Variants in HYDIN observed in about 807,000 individuals in gnomAD.
HYDIN encodes the protein axonemal central pair apparatus protein HYDIN.
HYDIN carries 132 observed loss-of-function variants against 403.9 expected under a neutral mutation model. That is an observed-to-expected ratio of 0.33 (90% CI 0.28 to 0.38). The LOEUF (loss-of-function observed/expected upper bound fraction) is 0.38, where lower values mean the gene tolerates loss of function less well. Among genes scored for constraint, HYDIN ranks in the 10% least tolerant of loss-of-function variants. The pLI is 1.00. For synonymous variants in HYDIN, 1,202 were observed against 1,891.7 expected (o/e 0.64, Z 9.46); for missense variants, 2,827 against 5,009.5 (o/e 0.56, Z 13.15).
At chr16:70,847,505 T>C (rs2143568311) in intron 75 of HYDIN, among the ~76,000 whole-genome samples, 1 of 152,320 alleles carries the variant, frequency 6.6e-6, no homozygotes, top group Admixed American at 6.5e-5. Flanking sequence ...TCAGGTTTTA[T>C]TTATCTGAGA....
At position 70,804,425 on chromosome 16, in the gene HYDIN, T is replaced by C. The variant is rs886393371; in HGVS notation, c.*3155A>G. 1.3e-5 allele frequency among the ~76,000 whole-genome samples: 2 copies of C among 152,182 alleles called. No individual in the cohort carries two copies. Among genetic ancestry groups the C allele is most frequent in the East Asian group, 3.9e-4 (2 of 5,182 alleles). On this transcript the variant is annotated 3_prime_UTR_variant, in exon 86 of 86. Transcript: ENST00000393567. ...TCAAATCCATCTCCCGGAAGAGTTC[T>C]GGACTGGGGTTTTTAAGGGGATCCT...
chr16:70,811,655 T>C (rs1597013002), intron 84 of HYDIN, among the ~76,000 whole-genome samples: 1 of 150,720 alleles, frequency 6.6e-6, no homozygotes, highest in East Asian at 2.0e-4. Context: ...ATTGGGAGTT[T>C]GAGACCAGCC....
chr16:71,083,622 T>C (rs1468301887), intron 12 of HYDIN, among the ~76,000 whole-genome samples: 2 of 149,268 alleles, frequency 1.3e-5, no homozygotes, highest in Admixed American at 6.7e-5. Context: ...ATCTGTAGTT[T>C]TGATTTTCTG....
At position 70,834,116 on chromosome 16, in the gene HYDIN, C is replaced by A; in HGVS notation, c.13450G>T (p.Val4484Phe). The change falls in exon 79 of 86, where the codon GTC becomes TTC. Residue 4484 changes from valine (V) to phenylalanine (F), a missense_variant. Transcript: ENST00000393567. Reference sequence around the variant, plus strand: ...GCAAAGATGACTTCCAGTTTACAGACTTCTTTGGGCTTCAGTGTGATGTTG... The same window carrying A: ...GCAAAGATGACTTCCAGTTTACAGAATTCTTTGGGCTTCAGTGTGATGTTG... ...FHNITLKPKE[V>F]CKLEVIFAPK... The A allele has an allele frequency of 1.2e-6, 2 of 1,613,582 alleles. No individual in the cohort carries two copies. The highest frequency in any genetic ancestry group is 8.5e-7 in the Non-Finnish European group (1 of 1,179,772).
intron 53 of HYDIN, among the ~76,000 whole-genome samples, chr16:70,899,853 T>C (rs2076313128): frequency 6.6e-6 from 1 of 151,906 alleles, no homozygotes; most frequent in Non-Finnish European, 1.5e-5. Flanking sequence ...CCCAGCAGGG[T>C]TGCAACAAGG....
At chr16:71,178,431 A>AT (rs1567414073) in intron 4 of HYDIN, among the ~76,000 whole-genome samples, 261 of 127,794 alleles carry the variant, frequency 2.0e-3, no homozygotes, top group African/African-American at 4.1e-3. Flanking sequence ...AAAAAAAAAA[A>AT]AAAATATATA....
intron 1 of HYDIN, among the ~76,000 whole-genome samples, chr16:71,209,226 A>C (rs1043313652): frequency 4.0e-5 from 6 of 150,728 alleles, no homozygotes; most frequent in African/African-American, 1.5e-4. Flanking sequence ...CCCATGATGC[A>C]AGGTTGGTTC....
chr16:71,185,771 TTATGATCATTGGCAGCTACAC>T (rs1414468761), intron 2 of HYDIN, among the ~76,000 whole-genome samples: 1 of 152,190 alleles, frequency 6.6e-6, no homozygotes, highest in African/African-American at 2.4e-5. Flanking sequence ...TGCAGGGAGA[TTATGATCATTGGCAGCTACAC>T]AATGCTCAAG....
chr16:71,048,124 A>T (rs1478645489), intron 18 of HYDIN, among the ~76,000 whole-genome samples: 2 of 149,858 alleles, frequency 1.3e-5, no homozygotes, highest in Non-Finnish European at 3.0e-5. Flanking sequence ...TATTTCACTT[A>T]ATGTAATATC....
At chr16:71,204,286 C>T (rs931817680) in intron 1 of HYDIN, among the ~76,000 whole-genome samples, 2 of 152,110 alleles carry the variant, frequency 1.3e-5, no homozygotes, top group African/African-American at 2.4e-5. Context: ...CAGAAAAATG[C>T]TTAGAATTCT....
At chr16:70,859,961 C>G in intron 71 of HYDIN, 107 bp downstream of exon 71, 1 of 974,172 alleles carries the variant, frequency 1.0e-6, no homozygotes, top group Non-Finnish European at 1.6e-6. Flanking sequence ...GCACTACACC[C>G]TCAGGCAGTT....
chr16:71,004,331 A>G, intron 23 of HYDIN, among the ~76,000 whole-genome samples: 1 of 149,916 alleles, frequency 6.7e-6, no homozygotes, highest in African/African-American at 2.5e-5. Context: ...AAAAAAAAAA[A>G]AGGAACTCTT....
Position 71,186,803 on chromosome 16 carries a change from G to A in HYDIN, c.93C>T (p.Pro31=), listed in dbSNP as rs758943818. 1.4e-5 allele frequency: 22 copies of A among 1,613,198 alleles called. No homozygotes were observed. Among genetic ancestry groups the A allele is most frequent in the Non-Finnish European group, 1.9e-5 (22 of 1,179,520 alleles). ...FKGFQSKVLP[P]LSPKVVTEEE... is the part of the protein sequence containing the mutation. ...CTTCTGTAACCACCTTTGGACTCAG[G>A]GGTGGCAAAACCTTGCTTTGAAATC... The change falls in exon 2 of 86, where the codon CCC becomes CCT. Residue 31 remains proline, a synonymous_variant. Coordinates refer to ENST00000393567, the MANE Select transcript of HYDIN (RefSeq NM_001270974.2).
Position 70,991,369 on chromosome 16 carries a change from C to T in HYDIN, c.3813G>A (p.Arg1271=). Residue 1271 remains arginine, a synonymous_variant, in exon 25 of 86, where the codon AGG becomes AGA. Coordinates refer to ENST00000393567, the MANE Select transcript of HYDIN (RefSeq NM_001270974.2). ...VKTVLVDEDA[R]PEEKELRKTK... ...TTTTTCTTAGTTCTTTTTCTTCAGGCCTGGCATCTTCATCCACAAGGACAG... is the reference window on the plus strand; with the variant it reads ...TTTTTCTTAGTTCTTTTTCTTCAGGTCTGGCATCTTCATCCACAAGGACAG... The T allele has an allele frequency of 1.2e-6, 2 of 1,614,000 alleles. No individual in the cohort carries two copies. The highest frequency in any genetic ancestry group is 2.2e-5 in the South Asian group (2 of 91,088).
At chr16:71,216,035 C>T (rs922208658) in intron 1 of HYDIN, among the ~76,000 whole-genome samples, 3 of 152,110 alleles carry the variant, frequency 2.0e-5, no homozygotes, top group African/African-American at 4.8e-5. Flanking sequence ...GCTGTAACTA[C>T]GTAAAACAAC....
rs779001019 is a variant in HYDIN, at chr16:70,901,098, A to C, written c.8954T>G (p.Met2985Arg). 2.6e-6 allele frequency: 2 copies of C among 776,722 alleles called. No homozygotes were observed. Among genetic ancestry groups the C allele is most frequent in the Non-Finnish European group, 2.1e-6 (1 of 466,224 alleles). The allele number at this position is 776,722 out of a possible 1,614,324, so 48.1% of individuals were successfully genotyped here. The change falls in exon 53 of 86, where the codon ATG becomes AGG. Residue 2985 changes from methionine (M) to arginine (R), a missense_variant. Coordinates refer to ENST00000393567, the MANE Select transcript of HYDIN (RefSeq NM_001270974.2). ...AGCCTCAGGGGGGATGGTCCCCTGC[A>C]TCAGGGATACAGTGAAATCATCACC... The part of the protein sequence containing the change: ...HLGDDFTVSL[M>R]QGTIPPEAEY...
chr16:71,203,439 C>T (rs1371064360), intron 1 of HYDIN, among the ~76,000 whole-genome samples: 1 of 152,068 alleles, frequency 6.6e-6, no homozygotes, highest in Non-Finnish European at 1.5e-5. Flanking sequence ...GGAAGATTTG[C>T]AAATAACCAC....
In HYDIN at chr16:70,955,357, A is replaced by C; in HGVS notation, c.6316+18T>G. On this transcript the variant is annotated intron_variant, in intron 40 of 85. Transcript: ENST00000393567. The stretch of plus-strand genomic sequence containing the variant: ...GTTGGTGACTTGACCACAAAAACCC[A>C]AGAGAATGGGCTCTTACCAGCCTCC... 1 of 1,550,652 alleles carries C rather than the reference A, an allele frequency of 6.4e-7. No individual in the cohort carries two copies. The highest frequency in any genetic ancestry group is 8.7e-7 in the Non-Finnish European group (1 of 1,153,934).
intron 41 of HYDIN, among the ~76,000 whole-genome samples, chr16:70,949,484 A>G (rs951723687): frequency 1.3e-5 from 2 of 152,124 alleles, no homozygotes; most frequent in Non-Finnish European, 2.9e-5. Context: ...AACAAGAAAC[A>G]AAAAAACCCA....
Sources: allele counts gnomAD v4.1 joint callset (sites outside exome capture counted in the v4.1 genomes callset), GRCh38; gene constraint gnomAD v4.1.1; transcripts MANE v1.5; gene names NCBI Gene and HGNC (gene_info 2026-07-23, HGNC 2026-07-21).